Variants in PRAG1 observed in about 807,000 individuals in gnomAD.
The protein encoded by PRAG1 is PEAK1 related, kinase-activating pseudokinase 1, also known as inactive tyrosine-protein kinase PRAG1.
Under a neutral mutation model 95.6 loss-of-function variants are expected in PRAG1, and 110 were observed. The ratio of observed to expected loss-of-function variants is 1.15; its 90% confidence interval spans 0.99 to 1.35. The LOEUF (loss-of-function observed/expected upper bound fraction) is 1.35. Ranked by LOEUF, PRAG1 falls within the 40% of genes most tolerant of loss-of-function variation. The pLI is 0.00. For synonymous variants in PRAG1, 1,052 were observed against 819.4 expected, an observed-to-expected ratio of 1.28 and a Z score of -4.85; for missense variants, 2,554 against 1,864.7, an observed-to-expected ratio of 1.37 and a Z score of -6.81.
chr8:8,339,785 T>C (rs966602389), intron 3 of PRAG1, 150 bp from the exon 4 acceptor site: 32 of 707,280 alleles, frequency 4.5e-5, no homozygotes, highest in South Asian at 4.4e-4. Context: ...GGGGAGACAG[T>C]AGAGGTTCTC....
intron 3 of PRAG1, among the ~76,000 whole-genome samples, chr8:8,365,788 C>A (rs1422153668): frequency 8.7e-6 from 1 of 115,042 alleles, no homozygotes; most frequent in Non-Finnish European, 1.7e-5. Context: ...TGTGGTGAAA[C>A]CCTATATATA....
chr8:8,384,788 C>A (rs557209735), intron 1 of PRAG1, among the ~76,000 whole-genome samples: 2 of 152,276 alleles, frequency 1.3e-5, no homozygotes, highest in African/African-American at 2.4e-5. Flanking sequence ...CACTTCGCAG[C>A]CCACATTCCT....
Position 8,328,133 on chromosome 8 carries a change from C to T in PRAG1, c.2649G>A (p.Glu883=), listed in dbSNP as rs1380305973. 1.2e-6 allele frequency: 2 copies of T among 1,614,210 alleles called. No individual in the cohort carries two copies. Among genetic ancestry groups the T allele is most frequent in the East Asian group, 4.5e-5 (2 of 44,886 alleles). ...AGTGGCCACTGCCTTTGAAAGCTTT[C>T]TCCAGAGGATCGGAAGAGGAGAAGA... is the stretch of plus-strand genomic sequence containing the variant. The part of the protein sequence containing the change: ...HPVFSSSDPL[E]KAFKGSGHWL... Residue 883 remains glutamate, a synonymous_variant, in exon 5 of 6, where the codon GAG becomes GAA. Transcript: ENST00000615670.
chr8:8,378,303 G>T (rs921796239), intron 2 of PRAG1, among the ~76,000 whole-genome samples: 1 of 152,268 alleles, frequency 6.6e-6, no homozygotes, highest in African/African-American at 2.4e-5. Context: ...CCCAGACACT[G>T]AGCTGCCCTT....
At chr8:8,324,160 A>G (rs1454289968) in intron 5 of PRAG1, among the ~76,000 whole-genome samples, 1 of 152,092 alleles carries the variant, frequency 6.6e-6, no homozygotes, top group African/African-American at 2.4e-5. Flanking sequence ...GGTGATGCGG[A>G]GGCATCCAGA....
intron 3 of PRAG1, among the ~76,000 whole-genome samples, chr8:8,373,137 C>T (rs1370708116): frequency 4.1e-4 from 63 of 152,144 alleles, no homozygotes; most frequent in Admixed American, 4.1e-3. Flanking sequence ...CCAGTGTGTA[C>T]TGGAATTGGT....
chr8:8,333,181 C>T lies in PRAG1; in HGVS notation c.2321-4720G>A, dbSNP rs1264372167. Among the ~76,000 whole-genome samples the T allele has an allele frequency of 3.3e-5, 5 of 152,164 alleles. No homozygotes were observed. In the East Asian group the frequency reaches 5.8e-4, roughly 18 times the overall value. ...GTGCAAAAGGGGTGAGAGGGGAGAACATTTTTCTGGGACCTTGGCCTATGT... is the reference window on the plus strand; with the variant it reads ...GTGCAAAAGGGGTGAGAGGGGAGAATATTTTTCTGGGACCTTGGCCTATGT... On this transcript the variant is annotated intron_variant, in intron 4 of 5. Coordinates refer to ENST00000615670, the MANE Select transcript of PRAG1 (RefSeq NM_001080826.3).
chr8:8,360,403 T>C (rs184803565), intron 3 of PRAG1, among the ~76,000 whole-genome samples: 1 of 152,314 alleles, frequency 6.6e-6, no homozygotes, highest in East Asian at 1.9e-4. Context: ...TCTGCATTCC[T>C]GAATTACCAA....
Position 8,376,619 on chromosome 8 carries a change from G to T in PRAG1, c.1790C>A (p.Pro597His), listed in dbSNP as rs764807560. The T allele has an allele frequency of 6.2e-7, 1 of 1,603,626 alleles. No homozygotes were observed. Among genetic ancestry groups the T allele is most frequent in the Non-Finnish European group, 8.5e-7 (1 of 1,174,286 alleles). ...AGCGACACCGTTGGTCCGGCAGGAA[G>T]GAGCGGGGTCAGCAGGACCTTGGGA... ...PPSQGPADPA[P>H]SCRTNGVAIS... The change falls in exon 3 of 6, where the codon CCT becomes CAT. Residue 597 changes from proline (P) to histidine (H), a missense_variant. Physicochemically the swap from Pro to His is moderately conservative, Grantham distance 77 (BLOSUM62 -2). Transcript: ENST00000615670.
chr8:8,360,159 C>G (rs1268923542), intron 3 of PRAG1, among the ~76,000 whole-genome samples: 1 of 152,068 alleles, frequency 6.6e-6, no homozygotes, highest in Non-Finnish European at 1.5e-5. Flanking sequence ...AGCCCCTGAC[C>G]CCTCTATTCT....
chr8:8,382,728 C>G (rs971808189), intron 1 of PRAG1, among the ~76,000 whole-genome samples: 8 of 152,204 alleles, frequency 5.3e-5, no homozygotes, highest in African/African-American at 1.9e-4. Flanking sequence ...AAATTCACCA[C>G]TGAGAAGGAG....
chr8:8,327,600 A>T, intron 5 of PRAG1, 110 bp downstream of exon 5: 2 of 1,245,376 alleles, frequency 1.6e-6, no homozygotes, highest in East Asian at 2.4e-5. Flanking sequence ...TTAGGAATCA[A>T]CTCCCCTCCT....
At chr8:8,336,815 C>T (rs187489308) in intron 4 of PRAG1, among the ~76,000 whole-genome samples, 4 of 151,992 alleles carry the variant, frequency 2.6e-5, no homozygotes, top group Non-Finnish European at 4.4e-5. Flanking sequence ...AGAATAAACA[C>T]CTGTTTTAAA....
Position 8,317,870 on chromosome 8 carries a change from G to T in PRAG1, c.*284C>A, listed in dbSNP as rs940401947. The T allele has an allele frequency of 8.4e-6, 2 of 238,402 alleles. No homozygotes were observed. Among genetic ancestry groups the T allele is most frequent in the Admixed American group, 5.4e-5 (1 of 18,492 alleles). 14.8% of individuals were successfully genotyped at this position (238,402 alleles called of 1,614,324 possible). A position where few individuals can be genotyped will look rare whatever the true frequency, so the allele number is the denominator to read the frequency against. The stretch of plus-strand genomic sequence containing the variant: ...GTGTCCAGGCTGCATTCAGTTCACA[G>T]AACTGTCCTCAGGACGTTGCATGGA... On this transcript the variant is annotated 3_prime_UTR_variant, in exon 6 of 6. Coordinates refer to ENST00000615670, the MANE Select transcript of PRAG1 (RefSeq NM_001080826.3).
intron 3 of PRAG1, among the ~76,000 whole-genome samples, chr8:8,350,751 C>T (rs1007678575): frequency 1.2e-4 from 19 of 152,144 alleles, no homozygotes; most frequent in African/African-American, 4.1e-4. Context: ...TGGAAAAGGC[C>T]CTTAATCTCT....
At chr8:8,319,354 A>T in intron 5 of PRAG1, 52 bp from the exon 6 acceptor site, 1 of 1,434,738 alleles carries the variant, frequency 7.0e-7, no homozygotes, top group African/African-American at 1.4e-5. Context: ...GGTTCCGCCC[A>T]GCAAAGAGTG....
intron 3 of PRAG1, among the ~76,000 whole-genome samples, chr8:8,344,883 C>T (rs1021710151): frequency 6.6e-6 from 1 of 152,128 alleles, no homozygotes; most frequent in African/African-American, 2.4e-5. Context: ...ACCCCTGTGG[C>T]TGGAAACAGT....
In PRAG1 at chr8:8,372,131, C is replaced by T. The variant is rs553074921; in HGVS notation, c.2162+4116G>A. 2.0e-5 allele frequency among the ~76,000 whole-genome samples: 3 copies of T among 152,250 alleles called. No homozygotes were observed. In the South Asian group the frequency reaches 6.2e-4, roughly 32 times the overall value. The stretch of plus-strand genomic sequence containing the variant: ...CAAAAGTCATTAAGTCATTTAAAAC[C>T]GGGTTTGCATCTGTGAAAAAGCAAA... On this transcript the variant is annotated intron_variant, in intron 3 of 5. Transcript: ENST00000615670.
chr8:8,376,494 T>G lies in PRAG1; in HGVS notation c.1915A>C (p.Ile639Leu), dbSNP rs754488257. The G allele has an allele frequency of 1.2e-6, 2 of 1,613,040 alleles. No individual in the cohort carries two copies. Among genetic ancestry groups the G allele is most frequent in the Non-Finnish European group, 1.7e-6 (2 of 1,179,370 alleles). Residue 639 changes from isoleucine (I) to leucine (L), a missense_variant, in exon 3 of 6, where the codon ATA (isoleucine) becomes CTA (leucine). Coordinates refer to ENST00000615670, the MANE Select transcript of PRAG1 (RefSeq NM_001080826.3). ...QAGTWSRQCR[I>L]EEEEEVEQEL... ...TGCTCCACCTCCTCTTCTTCCTCTATCCGGCACTGACGACTCCAGGTGCCT... is the reference window on the plus strand; with the variant it reads ...TGCTCCACCTCCTCTTCTTCCTCTAGCCGGCACTGACGACTCCAGGTGCCT...
Sources: gnomAD v4.1 joint callset for allele counts (sites outside exome capture counted in the v4.1 genomes callset) on GRCh38, gnomAD v4.1.1 for gene constraint, MANE v1.5 for transcripts, NCBI Gene and HGNC (gene_info 2026-07-23, HGNC 2026-07-21) for gene names.